Variants in NLK observed in about 807,000 individuals in gnomAD.
NLK encodes serine/threonine-protein kinase NLK.
NLK carries 11 observed loss-of-function variants against 59.0 expected under a neutral mutation model. The observed-to-expected ratio is 0.19, with a 90% CI of 0.12 to 0.31. The LOEUF (loss-of-function observed/expected upper bound fraction) is 0.31, where lower values mean the gene tolerates loss of function less well. Among genes scored for constraint, NLK ranks in the 10% least tolerant of loss-of-function variants. The pLI, the probability that NLK is intolerant of heterozygous loss-of-function variation, is 1.00. For missense variants in NLK, 410 were observed against 661.1 expected, an observed-to-expected ratio of 0.62 and a Z score of 4.16; for synonymous variants, 235 against 235.9, an observed-to-expected ratio of 1.00 and a Z score of 0.03.
chr17:28,203,951 G>A, the NLK span, among the ~76,000 whole-genome samples: 1 of 152,212 alleles, frequency 6.6e-6, no homozygotes, highest in African/African-American at 2.4e-5. Flanking sequence ...GTGGAACGCT[G>A]ACTTCTGGCT....
At chr17:28,131,259 T>G (rs561593479) in intron 2 of NLK, among the ~76,000 whole-genome samples, 1 of 152,248 alleles carries the variant, frequency 6.6e-6, no homozygotes, top group African/African-American at 2.4e-5. Flanking sequence ...AGTCATACTA[T>G]GTAAATCTTA....
intron 1 of NLK, among the ~76,000 whole-genome samples, chr17:28,115,738 A>G (rs1317503701): frequency 6.6e-6 from 1 of 152,146 alleles, no homozygotes; most frequent in Non-Finnish European, 1.5e-5. Flanking sequence ...AATATGATAC[A>G]TCTTTCCATT....
intron 1 of NLK, among the ~76,000 whole-genome samples, chr17:28,111,334 A>C (rs180955953): frequency 4.0e-5 from 6 of 150,006 alleles, no homozygotes; most frequent in Admixed American, 3.3e-4. Flanking sequence ...TTACAGATGC[A>C]TGCCACCATG....
chr17:28,203,848 T>G, the NLK span, among the ~76,000 whole-genome samples: 2 of 152,198 alleles, frequency 1.3e-5, no homozygotes, highest in Non-Finnish European at 2.9e-5. Flanking sequence ...TGTTGATCTT[T>G]CTCGTCGCCC....
rs186995424 is a variant in NLK, at chr17:28,170,952, A to G, written c.1048-1565A>G. Reference sequence around the variant, plus strand: ...AAGATCTAAAATAGGAAAAGGCTCTAACTTCTAATGGAAGTCATTATTTCC... The same window carrying G: ...AAGATCTAAAATAGGAAAAGGCTCTGACTTCTAATGGAAGTCATTATTTCC... On this transcript the variant is annotated intron_variant, in intron 6 of 10. Transcript: ENST00000407008. Among the ~76,000 whole-genome samples the G allele has an allele frequency of 1.7e-4, 26 of 152,346 alleles. No individual in the cohort carries two copies. The East Asian group carries it at 5.0e-3, about 29-fold the overall frequency.
chr17:28,088,843 C>CT (rs1567710717), intron 1 of NLK, among the ~76,000 whole-genome samples: 1 of 152,096 alleles, frequency 6.6e-6, no homozygotes, highest in African/African-American at 2.4e-5. Context: ...TGTTTCTAGG[C>CT]TTTTTTTAGT....
chr17:28,071,266 G>A (rs1287712181), intron 1 of NLK, among the ~76,000 whole-genome samples: 1 of 152,136 alleles, frequency 6.6e-6, no homozygotes, highest in African/African-American at 2.4e-5. Context: ...AGATTATTTT[G>A]GCTACTCTAG....
chr17:28,105,070 C>T (rs1905030918), intron 1 of NLK, among the ~76,000 whole-genome samples: 1 of 152,180 alleles, frequency 6.6e-6, no homozygotes, highest in African/African-American at 2.4e-5. Flanking sequence ...ATGTTCAATT[C>T]CTCAGTAAGA....
chr17:28,188,646 A>G (rs1288881994), intron 8 of NLK, among the ~76,000 whole-genome samples: 1 of 152,080 alleles, frequency 6.6e-6, no homozygotes, highest in Admixed American at 6.6e-5. Flanking sequence ...CCCAGCTAAT[A>G]TATTTTTATA....
chr17:28,052,082 A>G (rs1909277324), intron 1 of NLK, among the ~76,000 whole-genome samples: 1 of 152,086 alleles, frequency 6.6e-6, no homozygotes, highest in Non-Finnish European at 1.5e-5. Context: ...CATGTAGTTC[A>G]GCTGTGGAGA....
downstream of NLK, among the ~76,000 whole-genome samples, chr17:28,198,091 C>T (rs1034639616): frequency 6.6e-6 from 1 of 152,166 alleles, no homozygotes; most frequent in Admixed American, 6.5e-5. Flanking sequence ...GGGGTACAGA[C>T]ACCCCTAAGG....
intron 1 of NLK, among the ~76,000 whole-genome samples, chr17:28,102,690 T>C (rs1209870495): frequency 6.7e-6 from 1 of 150,028 alleles, no homozygotes; most frequent in Non-Finnish European, 1.5e-5. Context: ...CAGCTAGAAA[T>C]ATTTCATGGA....
At chr17:28,078,220 G>A (rs913281163) in intron 1 of NLK, among the ~76,000 whole-genome samples, 1 of 151,728 alleles carries the variant, frequency 6.6e-6, no homozygotes, top group African/African-American at 2.4e-5. Context: ...TGCATATCCA[G>A]TAGGAGGAAA....
At chr17:28,117,833 A>G (rs992626968) in intron 1 of NLK, among the ~76,000 whole-genome samples, 1 of 152,168 alleles carries the variant, frequency 6.6e-6, no homozygotes, top group African/African-American at 2.4e-5. Flanking sequence ...AATATAGAAG[A>G]TGAGAATCCG....
At chr17:28,079,723 C>G (rs1910282012) in intron 1 of NLK, among the ~76,000 whole-genome samples, 1 of 151,964 alleles carries the variant, frequency 6.6e-6, no homozygotes, top group Non-Finnish European at 1.5e-5. Flanking sequence ...CTTGTATATT[C>G]TAGGAAGTAA....
chr17:28,078,209 T>C (rs1442455505), intron 1 of NLK, among the ~76,000 whole-genome samples: 2 of 152,210 alleles, frequency 1.3e-5, no homozygotes, highest in African/African-American at 4.8e-5. Context: ...GTTTAGATCA[T>C]TGCATATCCA....
At chr17:28,102,446 C>T (rs1367677129) in intron 1 of NLK, among the ~76,000 whole-genome samples, 2 of 151,714 alleles carry the variant, frequency 1.3e-5, no homozygotes, top group Non-Finnish European at 2.9e-5. Context: ...GTCAGGAGAT[C>T]GAGACTATCC....
intron 1 of NLK, among the ~76,000 whole-genome samples, chr17:28,064,952 A>G (rs1909779391): frequency 6.6e-6 from 1 of 152,204 alleles, no homozygotes; most frequent in African/African-American, 2.4e-5. Flanking sequence ...TTTAATTGTT[A>G]TCTCTTAGCA....
At chr17:28,102,239 G>T (rs1046800806) in intron 1 of NLK, among the ~76,000 whole-genome samples, 8 of 152,176 alleles carry the variant, frequency 5.3e-5, no homozygotes, top group Admixed American at 3.3e-4. Flanking sequence ...TGGATTATTT[G>T]AGGTATATTT....
Sources: allele counts gnomAD v4.1 joint callset (sites outside exome capture counted in the v4.1 genomes callset), GRCh38; gene constraint gnomAD v4.1.1; transcripts MANE v1.5; gene names NCBI Gene and HGNC (gene_info 2026-07-23, HGNC 2026-07-21).